CAMK1D: variants seen among roughly 807,000 people sequenced by gnomAD.
CAMK1D encodes calcium/calmodulin-dependent protein kinase type 1D.
CAMK1D carries 9 observed loss-of-function variants against 47.7 expected under a neutral mutation model. The observed-to-expected ratio is 0.19, with a 90% CI of 0.11 to 0.33. The LOEUF (loss-of-function observed/expected upper bound fraction) is 0.33, where lower values mean the gene tolerates loss of function less well. Among genes scored for constraint, CAMK1D ranks in the 10% least tolerant of loss-of-function variants. CAMK1D has a pLI of 1.00. For missense variants in CAMK1D, 291 were observed against 488.7 expected, an observed-to-expected ratio of 0.60 and a Z score of 3.81; for synonymous variants, 184 against 184.9, an observed-to-expected ratio of 0.99 and a Z score of 0.04.
At chr10:12,487,479 A>G (rs1834251814) in intron 1 of CAMK1D, among the ~76,000 whole-genome samples, 1 of 152,248 alleles carries the variant, frequency 6.6e-6, no homozygotes, top group Non-Finnish European at 1.5e-5. Context: ...AACAGCTAAC[A>G]TGGACCTGGG....
intron 2 of CAMK1D, among the ~76,000 whole-genome samples, chr10:12,660,100 A>G (rs1329340830): frequency 6.6e-6 from 1 of 152,178 alleles, no homozygotes; most frequent in Non-Finnish European, 1.5e-5. Context: ...GCCCATTACT[A>G]GAGAATGGCA....
chr10:12,603,918 A>G (rs1416459536), intron 2 of CAMK1D, among the ~76,000 whole-genome samples: 1 of 152,186 alleles, frequency 6.6e-6, no homozygotes, highest in African/African-American at 2.4e-5. Flanking sequence ...CTGTGTACCC[A>G]GAGGTCTCTG....
intron 6 of CAMK1D, among the ~76,000 whole-genome samples, chr10:12,798,463 AGGT>A (rs1047807509): frequency 2.7e-4 from 41 of 152,166 alleles, no homozygotes; most frequent in African/African-American, 9.6e-4. Flanking sequence ...AATGGGAGGG[AGGT>A]GGTGGGGCAG....
chr10:12,531,887 A>C (rs1009247822), intron 1 of CAMK1D, among the ~76,000 whole-genome samples: 2 of 152,230 alleles, frequency 1.3e-5, no homozygotes, highest in African/African-American at 4.8e-5. Flanking sequence ...GAGGCTAGGG[A>C]ATTGACAGTA....
chr10:12,459,878 C>T (rs1163827398), intron 1 of CAMK1D, among the ~76,000 whole-genome samples: 1 of 152,100 alleles, frequency 6.6e-6, no homozygotes, highest in Admixed American at 6.6e-5. Context: ...TTATTGCTTC[C>T]AGCATCTCTA....
intron 3 of CAMK1D, among the ~76,000 whole-genome samples, chr10:12,736,124 G>A (rs1564525825): frequency 6.6e-6 from 1 of 152,222 alleles, no homozygotes; most frequent in Non-Finnish European, 1.5e-5. Flanking sequence ...GCGCCAAACG[G>A]CAGGACTTCC....
At chr10:12,631,801 G>C (rs528831467) in intron 2 of CAMK1D, among the ~76,000 whole-genome samples, 2 of 151,846 alleles carry the variant, frequency 1.3e-5, no homozygotes, top group South Asian at 4.2e-4. Flanking sequence ...AATTCTGATC[G>C]TGTAAGTGCT....
chr10:12,572,684 T>A (rs1837363883), intron 2 of CAMK1D, among the ~76,000 whole-genome samples: 1 of 152,034 alleles, frequency 6.6e-6, no homozygotes. Flanking sequence ...CAGGCTGGAG[T>A]GCAGGGGCGA....
At chr10:12,499,343 G>A (rs916106631) in intron 1 of CAMK1D, among the ~76,000 whole-genome samples, 3 of 151,990 alleles carry the variant, frequency 2.0e-5, no homozygotes, top group Non-Finnish European at 2.9e-5. Flanking sequence ...TCTCATTCTG[G>A]TAAGAATCCT....
At position 12,415,284 on chromosome 10, in the gene CAMK1D, T is replaced by C. The variant is rs1839803942; in HGVS notation, c.92+65374T>C. ...GAGTATTTGCTGGTGATATATGTAT[T>C]CTGTATTTATTTATTTATTTTGAGA... On this transcript the variant is annotated intron_variant, in intron 1 of 10. Coordinates refer to ENST00000619168, the MANE Select transcript of CAMK1D (RefSeq NM_153498.4). Among the ~76,000 whole-genome samples, 7 of 147,296 alleles carry C rather than the reference T, an allele frequency of 4.8e-5. No individual in the cohort carries two copies. In the South Asian group the frequency reaches 1.5e-3, roughly 32 times the overall value.
At chr10:12,817,979 G>A (rs960505740) in intron 8 of CAMK1D, among the ~76,000 whole-genome samples, 78 of 152,182 alleles carry the variant, frequency 5.1e-4, no homozygotes, top group African/African-American at 1.6e-3. Context: ...GTGAGCCACC[G>A]CGCTGGCCTG....
chr10:12,757,842 G>A (rs920015343), intron 3 of CAMK1D, among the ~76,000 whole-genome samples: 3 of 149,796 alleles, frequency 2.0e-5, no homozygotes, highest in East Asian at 2.0e-4. Context: ...CCCAGCATGG[G>A]GGCCCTGCTC....
intron 1 of CAMK1D, among the ~76,000 whole-genome samples, chr10:12,373,886 C>T (rs530735132): frequency 2.7e-5 from 4 of 147,634 alleles, no homozygotes; most frequent in African/African-American, 5.0e-5. Flanking sequence ...ACCAGGGTGG[C>T]CAACATGGTG....
intron 5 of CAMK1D, among the ~76,000 whole-genome samples, chr10:12,786,621 C>T (rs1837735859): frequency 6.6e-6 from 1 of 152,200 alleles, no homozygotes; most frequent in South Asian, 2.1e-4. Context: ...TGCAATGGTG[C>T]AGTCATAGCT....
At chr10:12,465,097 T>C (rs1248835634) in intron 1 of CAMK1D, among the ~76,000 whole-genome samples, 1 of 152,186 alleles carries the variant, frequency 6.6e-6, no homozygotes, top group Non-Finnish European at 1.5e-5. Flanking sequence ...AGTTTGTGCA[T>C]TTCAGTTATG....
At chr10:12,552,375 A>C (rs182874959) in intron 1 of CAMK1D, among the ~76,000 whole-genome samples, 161 of 152,250 alleles carry the variant, frequency 1.1e-3, no homozygotes, top group Admixed American at 1.8e-3. Context: ...CCAATTAATT[A>C]CCCTGTGTCT....
At chr10:12,708,494 G>A (rs1262987047) in intron 3 of CAMK1D, among the ~76,000 whole-genome samples, 3 of 152,118 alleles carry the variant, frequency 2.0e-5, no homozygotes, top group Non-Finnish European at 4.4e-5. Flanking sequence ...ATAAAACTGT[G>A]ATTAAGATCA....
At chr10:12,536,640 G>GT (rs1835980836) in intron 1 of CAMK1D, among the ~76,000 whole-genome samples, 1 of 152,196 alleles carries the variant, frequency 6.6e-6, no homozygotes, top group South Asian at 2.1e-4. Flanking sequence ...TCGAAGAGGG[G>GT]GGTGTATCCT....
At chr10:12,383,804 A>G (rs1348277181) in intron 1 of CAMK1D, among the ~76,000 whole-genome samples, 1 of 152,256 alleles carries the variant, frequency 6.6e-6, no homozygotes, top group Non-Finnish European at 1.5e-5. Flanking sequence ...CAGGAGCGAC[A>G]CAAGAGTGTC....
Sources: allele counts gnomAD v4.1 joint callset (sites outside exome capture counted in the v4.1 genomes callset), GRCh38; gene constraint gnomAD v4.1.1; transcripts MANE v1.5; gene names NCBI Gene and HGNC (gene_info 2026-07-23, HGNC 2026-07-21).